Variants in TTL observed in about 807,000 individuals in gnomAD.
The protein encoded by TTL is tubulin tyrosine ligase.
TTL carries 10 observed loss-of-function variants against 41.1 expected under a neutral mutation model. That is an observed-to-expected ratio of 0.24 (90% CI 0.15 to 0.41). The LOEUF is 0.41. Among genes scored for constraint, TTL ranks in the 10% least tolerant of loss-of-function variants. The probability of loss-of-function intolerance (pLI) is 1.00; values close to 1 mark genes in which losing one functional copy is unlikely to be tolerated. For synonymous variants in TTL, 175 were observed against 175.5 expected, an observed-to-expected ratio of 1.00 and a Z score of 0.02; for missense variants, 367 against 460.4, an observed-to-expected ratio of 0.80 and a Z score of 1.86.
chr2:112,526,702 C>A (rs932430027), intron 6 of TTL, among the ~76,000 whole-genome samples: 1 of 150,762 alleles, frequency 6.6e-6, no homozygotes, highest in South Asian at 2.1e-4. Flanking sequence ...GTCTTGCTAG[C>A]GGTCTATCAG....
rs780343715 is a variant in TTL, at chr2:112,482,540, C to A, written c.157+39C>A. ...CGATTCCCGTCTGCCCTCCTCGGAGCGGCCCTGCGCGCCTCCCGCGGCCCG... is the reference window on the plus strand; with the variant it reads ...CGATTCCCGTCTGCCCTCCTCGGAGAGGCCCTGCGCGCCTCCCGCGGCCCG... On this transcript the variant is annotated intron_variant, in intron 1 of 6. Coordinates refer to ENST00000233336, the MANE Select transcript of TTL (RefSeq NM_153712.5). The surrounding 1 kb of genome is among the most constrained non-coding windows in gnomAD (Gnocchi z 5.3). The A allele has an allele frequency of 3.3e-6, 5 of 1,537,196 alleles. No homozygotes were observed. In the South Asian group the frequency reaches 3.6e-5, roughly 11 times the overall value.
chr2:112,528,933 G>T lies in TTL; in HGVS notation c.*138G>T, dbSNP rs75064979. The stretch of plus-strand genomic sequence containing the variant: ...GCAAAGATGAGATGGAAGAAGGCAC[G>T]TGAGCAGAGGAGGCAGCTCCCAAAG... On this transcript the variant is annotated 3_prime_UTR_variant, in exon 7 of 7. Transcript: ENST00000233336. 3 of 703,146 alleles carry T rather than the reference G, an allele frequency of 4.3e-6. No individual in the cohort carries two copies. The highest frequency in any genetic ancestry group is 3.5e-5 in the African/African-American group (2 of 56,422). The allele number at this position is 703,146 out of a possible 1,614,324, so 43.6% of individuals were successfully genotyped here.
intron 6 of TTL, among the ~76,000 whole-genome samples, chr2:112,524,887 T>A (rs1436562618): frequency 6.6e-6 from 1 of 152,242 alleles, no homozygotes; most frequent in Non-Finnish European, 1.5e-5. Context: ...CTGAATGGTA[T>A]TGCCTAGGTT....
intron 1 of TTL, among the ~76,000 whole-genome samples, chr2:112,484,931 A>G (rs1681200357): frequency 6.6e-6 from 1 of 152,152 alleles, no homozygotes; most frequent in African/African-American, 2.4e-5. Context: ...TTTTATTAAG[A>G]TTTGAAACAA....
intron 3 of TTL, among the ~76,000 whole-genome samples, chr2:112,499,113 G>A (rs1191665088): frequency 6.6e-6 from 1 of 152,170 alleles, no homozygotes; most frequent in Non-Finnish European, 1.5e-5. Flanking sequence ...AGGAGTTCGA[G>A]ACAAGCCTGG....
intron 6 of TTL, among the ~76,000 whole-genome samples, chr2:112,523,735 G>A (rs1397229926): frequency 6.6e-6 from 1 of 151,450 alleles, no homozygotes; most frequent in African/African-American, 2.4e-5. Flanking sequence ...TTCGTGCAAA[G>A]GCTTCTGAAG....
Position 112,533,268 on chromosome 2 carries a change from A to G in TTL, c.*4473A>G, listed in dbSNP as rs1682544300. The G allele has an allele frequency of 6.6e-6, 1 of 152,282 alleles. No homozygotes were observed. Among genetic ancestry groups the G allele is most frequent in the Non-Finnish European group, 1.5e-5 (1 of 68,378 alleles). The allele number at this position is 152,282 out of a possible 1,614,324, so 9.4% of individuals were successfully genotyped here. On this transcript the variant is annotated 3_prime_UTR_variant, in exon 7 of 7. Transcript: ENST00000233336. The stretch of plus-strand genomic sequence containing the variant: ...TCCCAGTGGACTCAGCAGAGATTGC[A>G]TGGGCAGGGTGCAGGGTGCAGGGTG...
In TTL at chr2:112,528,833, G is replaced by T. The variant is rs961687794; in HGVS notation, c.*38G>T. On this transcript the variant is annotated 3_prime_UTR_variant, in exon 7 of 7. Transcript: ENST00000233336. Reference sequence around the variant, plus strand: ...CCTGCTGCCTTGGAAAAAGCACGGGGTCCTGCTCCAGGGAATGGTGAAATG... The same window carrying T: ...CCTGCTGCCTTGGAAAAAGCACGGGTTCCTGCTCCAGGGAATGGTGAAATG... The T allele has an allele frequency of 4.7e-6, 7 of 1,488,694 alleles. No homozygotes were observed. In the African/African-American group the frequency reaches 6.9e-5, roughly 15 times the overall value. 92.2% of individuals were successfully genotyped at this position (1,488,694 alleles called of 1,614,324 possible).
chr2:112,528,684 G>A lies in TTL; in HGVS notation c.1023G>A (p.Lys341=), dbSNP rs1421979243. 2.5e-6 allele frequency: 4 copies of A among 1,612,178 alleles called. No individual in the cohort carries two copies. Among genetic ancestry groups the A allele is most frequent in the Non-Finnish European group, 3.4e-6 (4 of 1,178,510 alleles). ...EVNGAPACAQ[K]LYAELCQGIV... is the part of the protein sequence containing the mutation. ...TATTTTTAAAAACACATTTCAGGAA[G>A]CTCTATGCAGAACTGTGCCAAGGCA... Residue 341 remains lysine (K), a synonymous_variant, in exon 7 of 7, where the codon AAG becomes AAA. Transcript: ENST00000233336.
chr2:112,494,947 A>G (rs527675556), intron 3 of TTL, among the ~76,000 whole-genome samples: 8 of 152,178 alleles, frequency 5.3e-5, no homozygotes, highest in Non-Finnish European at 1.0e-4. Context: ...AATGTTTTCA[A>G]AACGTAAATC....
At chr2:112,519,920 C>T (rs62157536) in intron 5 of TTL, among the ~76,000 whole-genome samples, 26,668 of 151,842 alleles carry the variant, frequency 0.18, 2,611 homozygotes, top group East Asian at 0.29. Context: ...CACCTGAGGT[C>T]GGGAGTTCGA....
intron 6 of TTL, among the ~76,000 whole-genome samples, chr2:112,527,307 G>A (rs1012211502): frequency 2.0e-4 from 30 of 152,306 alleles, no homozygotes; most frequent in African/African-American, 7.0e-4. Context: ...GGGGTGGAGA[G>A]TTCTGTAGAT....
intron 6 of TTL, among the ~76,000 whole-genome samples, chr2:112,523,185 C>T (rs1417838156): frequency 1.3e-5 from 2 of 152,206 alleles, no homozygotes; most frequent in Non-Finnish European, 2.9e-5. Context: ...CCACCACCAG[C>T]CTTACCGTGG....
rs1682490884 is a variant in TTL at position 112,530,912 on chromosome 2, A to T, written c.*2117A>T. Reference sequence around the variant, plus strand: ...ATTTCCTTTTTAAAAAATATTTTTTAAATTTTTAAAATTTGATTTTAAATT... The same window carrying T: ...ATTTCCTTTTTAAAAAATATTTTTTTAATTTTTAAAATTTGATTTTAAATT... On this transcript the variant is annotated 3_prime_UTR_variant, in exon 7 of 7. Coordinates refer to ENST00000233336, the MANE Select transcript of TTL (RefSeq NM_153712.5). 1 of 177,608 alleles carries T rather than the reference A, an allele frequency of 5.6e-6. No homozygotes were observed. Among genetic ancestry groups the T allele is most frequent in the African/African-American group, 2.4e-5 (1 of 42,282 alleles). 11.0% of individuals were successfully genotyped at this position (177,608 alleles called of 1,614,324 possible). A position where few individuals can be genotyped will look rare whatever the true frequency, so the allele number is the denominator to read the frequency against.
At position 112,516,042 on chromosome 2, in the gene TTL, G is replaced by A. The variant is rs188159933; in HGVS notation, c.876-4240G>A. Among the ~76,000 whole-genome samples, 8 of 152,120 alleles carry A rather than the reference G, an allele frequency of 5.3e-5. No individual in the cohort carries two copies. The East Asian group carries it at 1.4e-3, about 26-fold the overall frequency. ...CACTTTTCTGACTTTTATCACCTTAGATTCATTTTGCTTGTTCTTAAACTT... is the reference window on the plus strand; with the variant it reads ...CACTTTTCTGACTTTTATCACCTTAAATTCATTTTGCTTGTTCTTAAACTT... On this transcript the variant is annotated intron_variant, in intron 5 of 6. Transcript: ENST00000233336.
In TTL at chr2:112,482,925, C is replaced by T. The variant is rs1006127397; in HGVS notation, c.157+424C>T. Among the ~76,000 whole-genome samples the T allele has an allele frequency of 2.0e-5, 3 of 152,258 alleles. No homozygotes were observed. Among genetic ancestry groups the T allele is most frequent in the African/African-American group, 7.2e-5 (3 of 41,548 alleles). On this transcript the variant is annotated intron_variant, in intron 1 of 6. Coordinates refer to ENST00000233336, the MANE Select transcript of TTL (RefSeq NM_153712.5). This position sits in a 1 kb window ranked among gnomAD's most constrained non-coding sequence, Gnocchi z 5.3. ...CAGCTCGTCTGCACTGAGGATTTCT[C>T]CCTGCTTGGCGTGGGCGCGGGCGGG... is the stretch of plus-strand genomic sequence containing the variant.
chr2:112,494,276 A>C lies in TTL; in HGVS notation c.370A>C (p.Arg124=). 6.2e-7 allele frequency: 1 copy of C among 1,614,236 alleles called. No individual in the cohort carries two copies. The highest frequency in any genetic ancestry group is 8.5e-7 in the Non-Finnish European group (1 of 1,180,040). The change falls in exon 3 of 7, where the codon AGG becomes CGG. Residue 124 remains arginine (R), a synonymous_variant. Transcript: ENST00000233336. ...AATTCAGCCACCAATCAGTAACTCA[A>C]GGACAGATGAAAGAGAATTCTTTCT... ...NGIQPPISNS[R]TDEREFFLAS...
At chr2:112,521,455 T>G (rs1027107376) in intron 6 of TTL, 1 of 736,726 alleles carries the variant, frequency 1.4e-6, no homozygotes, top group Non-Finnish European at 1.7e-6. Context: ...CAAGACCCTT[T>G]CGTGGTTCCC....
In TTL at chr2:112,530,163, G is replaced by C. The variant is rs568924068; in HGVS notation, c.*1368G>C. 4.4e-6 allele frequency: 1 copy of C among 228,502 alleles called. No homozygotes were observed. Among genetic ancestry groups the C allele is most frequent in the Admixed American group, 5.7e-5 (1 of 17,592 alleles). The allele number at this position is 228,502 out of a possible 1,614,324, so 14.2% of individuals were successfully genotyped here. On this transcript the variant is annotated 3_prime_UTR_variant, in exon 7 of 7. Transcript: ENST00000233336. The stretch of plus-strand genomic sequence containing the variant: ...TGTGCTCCATTCCTCATTTCTACTT[G>C]GCTCAAGAAAACATTTCTGCAGTCA...
Sources: allele counts gnomAD v4.1 joint callset (sites outside exome capture counted in the v4.1 genomes callset), GRCh38; gene constraint gnomAD v4.1.1; non-coding constraint Gnocchi (gnomAD v3.1); transcripts MANE v1.5; gene names NCBI Gene and HGNC (gene_info 2026-07-23, HGNC 2026-07-21).